PYGL: variants seen among roughly 807,000 people sequenced by gnomAD.
PYGL encodes glycogen phosphorylase L, also known as glycogen phosphorylase, liver form.
PYGL carries 90 observed loss-of-function variants against 100.1 expected under a neutral mutation model. That is an observed-to-expected ratio of 0.90 (90% CI 0.76 to 1.07). The LOEUF is 1.07. Ranked by LOEUF, PYGL falls within the 50% of genes least tolerant of loss-of-function variation. PYGL has a pLI of 0.00. For synonymous variants in PYGL, 373 were observed against 393.0 expected, an observed-to-expected ratio of 0.95 and a Z score of 0.60; for missense variants, 1,016 against 1,057.6, an observed-to-expected ratio of 0.96 and a Z score of 0.55.
chr14:50,921,798 G>A (rs1386592905), intron 5 of PYGL, among the ~76,000 whole-genome samples: 7 of 152,182 alleles, frequency 4.6e-5, no homozygotes, highest in Non-Finnish European at 8.8e-5. Flanking sequence ...CTTAGAATAT[G>A]TTTTGCATAG....
In PYGL at chr14:50,912,944, ACT is replaced by A. The variant is rs1299283967; in HGVS notation, c.1620+83_1620+84del. ...ACTCCAGCCTGGGCAACAGAGCGAG[ACT>A]CTGTCTCAAAAAATAAACAAAAACT... On this transcript the variant is annotated intron_variant, in intron 13 of 19. Transcript: ENST00000216392. 3.9e-6 allele frequency: 5 copies of A among 1,278,396 alleles called. No homozygotes were observed. In the African/African-American group the frequency reaches 5.9e-5, roughly 15 times the overall value. 79.2% of individuals were successfully genotyped at this position (1,278,396 alleles called of 1,614,324 possible).
chr14:50,921,259 C>A (rs2050498938), intron 5 of PYGL, 192 bp from the exon 6 acceptor site: 5 of 590,472 alleles, frequency 8.5e-6, no homozygotes, highest in African/African-American at 7.4e-5. Flanking sequence ...TCCTCCCCGA[C>A]CTGGTACAAT....
At position 50,931,727 on chromosome 14, in the gene PYGL, G is replaced by T; in HGVS notation, c.474C>A (p.Tyr158Ter). Reference protein sequence around the residue: ...MATLGLAAYGYGIRYEYGIFN... With the variant: ...MATLGLAAYG The stretch of plus-strand genomic sequence containing the variant: ...AAATCCCATATTCATACCGAATGCC[G>T]TATCCATAGGCTGCAAGTCCCAGGG... The change falls in exon 4 of 20, where the codon TAC becomes TAA. Residue 158 changes from tyrosine to a stop codon, truncating the protein, a stop_gained. Transcript: ENST00000216392. LOFTEE classifies it high-confidence loss of function. 1 of 1,613,886 alleles carries T rather than the reference G, an allele frequency of 6.2e-7. No individual in the cohort carries two copies. Among genetic ancestry groups the T allele is most frequent in the South Asian group, 1.1e-5 (1 of 91,074 alleles).
At chr14:50,934,966 A>G in intron 3 of PYGL, 141 bp downstream of exon 3, 1 of 782,086 alleles carries the variant, frequency 1.3e-6, no homozygotes, top group Non-Finnish European at 2.2e-6. Flanking sequence ...GTGCAAACTC[A>G]AGAACAAATA....
At chr14:50,934,107 T>A (rs560316204) in intron 3 of PYGL, among the ~76,000 whole-genome samples, 13 of 152,242 alleles carry the variant, frequency 8.5e-5, no homozygotes, top group Non-Finnish European at 1.5e-4. Flanking sequence ...GTGTATTTTC[T>A]AAACTAATGG....
chr14:50,911,268 G>A (rs983978897), intron 16 of PYGL, among the ~76,000 whole-genome samples: 3 of 152,226 alleles, frequency 2.0e-5, no homozygotes, highest in African/African-American at 7.2e-5. Flanking sequence ...GCACATCTAA[G>A]CCTCGTGCTT....
chr14:50,938,467 C>T (rs1457022888), intron 1 of PYGL, among the ~76,000 whole-genome samples: 1 of 152,214 alleles, frequency 6.6e-6, no homozygotes, highest in African/African-American at 2.4e-5. Context: ...CCACCTCGGC[C>T]TCCCAAAGTG....
chr14:50,911,388 C>T (rs1478680246), intron 16 of PYGL, among the ~76,000 whole-genome samples: 6 of 152,196 alleles, frequency 3.9e-5, no homozygotes, highest in Non-Finnish European at 5.9e-5. Context: ...TTGGTGTTCT[C>T]TTGCAAAACT....
At chr14:50,928,259 C>T (rs1386622928) in intron 4 of PYGL, among the ~76,000 whole-genome samples, 1 of 152,166 alleles carries the variant, frequency 6.6e-6, no homozygotes, top group Non-Finnish European at 1.5e-5. Flanking sequence ...CGACAAAGAA[C>T]CAGTGAACAG....
intron 1 of PYGL, among the ~76,000 whole-genome samples, chr14:50,941,571 A>G (rs2139202378): frequency 1.3e-5 from 2 of 152,300 alleles, no homozygotes; most frequent in Non-Finnish European, 2.9e-5. Flanking sequence ...TGTCAAGATG[A>G]CAATGGCATG....
In PYGL at chr14:50,917,090, CCTTCCCTTCAAAAAA is replaced by C; in HGVS notation, c.856_870del (p.Phe286_Lys290del). ...AAGTATTCCTGCTTCAATCTTAGCT[CCTTCCCTTCAAAAAA>C]CTTCAAGCCAGAGAGATAGAATAAA... On this transcript the variant is annotated inframe_deletion and splice_region_variant, in exon 8 of 20. Coordinates refer to ENST00000216392, the MANE Select transcript of PYGL (RefSeq NM_002863.5). The C allele has an allele frequency of 6.2e-7, 1 of 1,613,992 alleles. No individual in the cohort carries two copies. The highest frequency in any genetic ancestry group is 1.6e-4 in the Middle Eastern group (1 of 6,062).
In PYGL at chr14:50,937,798, T is replaced by C. The variant is rs200623468; in HGVS notation, c.283A>G (p.Thr95Ala). 3.7e-6 allele frequency: 6 copies of C among 1,614,118 alleles called. No individual in the cohort carries two copies. The highest frequency in any genetic ancestry group is 1.6e-4 in the Middle Eastern group (1 of 6,062). The change falls in exon 2 of 20, where the codon ACA becomes GCA. Residue 95 changes from threonine (T) to alanine (A), a missense_variant. Physicochemically the swap from Thr to Ala is moderately conservative, Grantham distance 58. Transcript: ENST00000216392. ...AGGTTGATCATGGTGTTCTGTAATG[T>C]TCGGCCCATGTAAAATTCCAGAGAG... ...YLSLEFYMGR[T>A]LQNTMINLGL...
At chr14:50,927,655 T>G (rs2050564022) in intron 4 of PYGL, among the ~76,000 whole-genome samples, 1 of 152,214 alleles carries the variant, frequency 6.6e-6, no homozygotes, top group Non-Finnish European at 1.5e-5. Flanking sequence ...GGAGAGTTTA[T>G]TTGCTTGCTG....
At chr14:50,936,862 G>C (rs1245881905) in intron 2 of PYGL, among the ~76,000 whole-genome samples, 4 of 152,142 alleles carry the variant, frequency 2.6e-5, no homozygotes, top group Non-Finnish European at 5.9e-5. Flanking sequence ...CTGGCTATAG[G>C]CTACTCCAAG....
At chr14:50,926,624 G>A (rs1361994523) in intron 4 of PYGL, among the ~76,000 whole-genome samples, 7 of 147,484 alleles carry the variant, frequency 4.7e-5, no homozygotes, top group Non-Finnish European at 8.9e-5. Flanking sequence ...TACTCAGGAG[G>A]CTGAGGCAAA....
At chr14:50,914,563 T>C in intron 12 of PYGL, 138 bp downstream of exon 12, 1 of 686,062 alleles carries the variant, frequency 1.5e-6, no homozygotes, top group Non-Finnish European at 2.7e-6. Flanking sequence ...AAACCCAGCA[T>C]GGAGTCCTGT....
intron 5 of PYGL, among the ~76,000 whole-genome samples, chr14:50,921,870 T>A (rs1378604186): frequency 6.6e-6 from 1 of 152,230 alleles, no homozygotes; most frequent in Non-Finnish European, 1.5e-5. Context: ...TTTATGAAGC[T>A]ATAACATCTC....
rs1234342072 is a variant in PYGL, at chr14:50,913,135, C to G, written c.1519-5G>C. The G allele has an allele frequency of 6.2e-7, 1 of 1,612,708 alleles. No homozygotes were observed. Among genetic ancestry groups the G allele is most frequent in the African/African-American group, 1.3e-5 (1 of 74,848 alleles). On this transcript the variant is annotated splice_polypyrimidine_tract_variant and splice_region_variant and intron_variant, in intron 12 of 19. Transcript: ENST00000216392. ...CACATAGTCTTCTCCAATTTTCTTT[C>G]AATTCAAAGGAAAAGATGACTTCAA...
chr14:50,932,398 G>A (rs767803373), intron 3 of PYGL, among the ~76,000 whole-genome samples: 4 of 152,144 alleles, frequency 2.6e-5, no homozygotes, highest in Non-Finnish European at 4.4e-5. Flanking sequence ...TTCCTTCTCC[G>A]TGGGCATACA....
Sources: gnomAD v4.1 joint callset for allele counts (sites outside exome capture counted in the v4.1 genomes callset) on GRCh38, gnomAD v4.1.1 for gene constraint, MANE v1.5 for transcripts, NCBI Gene and HGNC (gene_info 2026-07-23, HGNC 2026-07-21) for gene names.